The following PTPRU variants were observed in gnomAD, a reference collection of about 807,000 sequenced individuals.
PTPRU encodes receptor-type tyrosine-protein phosphatase U.
In PTPRU, 69 loss-of-function variants were observed where a neutral mutation model predicts 166.3. The ratio of observed to expected loss-of-function variants is 0.41; its 90% CI spans 0.34 to 0.51. PTPRU has a LOEUF of 0.51. PTPRU is among the 20% of genes least tolerant of loss of function. The pLI, the probability that PTPRU is intolerant of heterozygous loss-of-function variation, is 0.09. For missense variants in PTPRU, 1,657 were observed against 2,013.7 expected (o/e 0.82, Z 3.39); for synonymous variants, 793 against 814.0 (o/e 0.97, Z 0.44).
intron 25 of PTPRU, among the ~76,000 whole-genome samples, chr1:29,319,233 AAACTT>A (rs1357424644): frequency 1.3e-5 from 2 of 152,144 alleles, no homozygotes; most frequent in African/African-American, 2.4e-5. Context: ...TCTTTGAACT[AAACTT>A]AGGAAGCTGT....
Position 29,307,009 on chromosome 1 carries a change from C to T in PTPRU, c.2820+1581C>T, listed in dbSNP as rs753742049. 30 of 1,163,480 alleles carry T rather than the reference C, an allele frequency of 2.6e-5. No individual in the cohort carries two copies. In the Middle Eastern group the frequency reaches 5.8e-4, roughly 23 times the overall value. 72.1% of individuals were successfully genotyped at this position (1,163,480 alleles called of 1,614,324 possible). On this transcript the variant is annotated intron_variant, in intron 18 of 29. Coordinates refer to ENST00000373779, the MANE Select transcript of PTPRU (RefSeq NM_133178.4). ...CCAGCCCGGCCTGCCCGTCTCCGCT[C>T]TGCCTGCCCTGCTCACATCGCCCAT...
At position 29,266,010 on chromosome 1, in the gene PTPRU, G is replaced by GTTTT. The variant is rs34163524; in HGVS notation, c.1144+5131_1144+5134dup. Among the ~76,000 whole-genome samples, 30 of 79,232 alleles carry GTTTT rather than the reference G, an allele frequency of 3.8e-4. 3 individuals are homozygous for GTTTT. Among genetic ancestry groups the GTTTT allele is most frequent in the Middle Eastern group, 0.013 (1 of 78 alleles). 52.0% of individuals were successfully genotyped at this position (79,232 alleles called of 152,430 possible). A position where few individuals can be genotyped will look rare whatever the true frequency, so the allele number is the denominator to read the frequency against. On this transcript the variant is annotated intron_variant, in intron 7 of 29. Transcript: ENST00000373779. ...CTGTCTCCCAAAGATTTTCTCCTGG[G>GTTTT]TTTTTTTTTTTTTTTTTTTTTTTTT...
intron 7 of PTPRU, among the ~76,000 whole-genome samples, chr1:29,265,316 T>A (rs1162901109): frequency 6.6e-6 from 1 of 152,130 alleles, no homozygotes; most frequent in East Asian, 1.9e-4. Flanking sequence ...CTCATCATGG[T>A]CTTAATTTGC....
At chr1:29,307,244 C>T in intron 18 of PTPRU, 2 of 1,440,812 alleles carry the variant, frequency 1.4e-6, no homozygotes, top group Admixed American at 1.8e-5. Flanking sequence ...CTGTCTGTCT[C>T]TCTGTCTCTG....
intron 7 of PTPRU, among the ~76,000 whole-genome samples, chr1:29,274,031 G>C: frequency 6.6e-6 from 1 of 152,052 alleles, no homozygotes; most frequent in East Asian, 1.9e-4. Flanking sequence ...ATGAGATAAA[G>C]CATTTTTTGT....
intron 14 of PTPRU, among the ~76,000 whole-genome samples, chr1:29,286,858 C>T (rs1686373562): frequency 6.6e-6 from 1 of 152,164 alleles, no homozygotes; most frequent in African/African-American, 2.4e-5. Context: ...CCAGGAACCC[C>T]TCATCCCCCA....
chr1:29,296,468 A>C (rs1339857847), intron 15 of PTPRU, among the ~76,000 whole-genome samples: 2 of 150,422 alleles, frequency 1.3e-5, no homozygotes, highest in East Asian at 3.9e-4. Context: ...GATAAATTCA[A>C]CTTGGTCATG....
rs2151936172 is a variant in PTPRU at position 29,237,909 on chromosome 1, C to T, written c.73+1192C>T. On this transcript the variant is annotated intron_variant, in intron 1 of 29. Coordinates refer to ENST00000373779, the MANE Select transcript of PTPRU (RefSeq NM_133178.4). The surrounding 1 kb of genome is among the most constrained non-coding windows in gnomAD (Gnocchi z 6.4). ...GGGCTGTCCCCGGGCTGGGCTGCGA[C>T]GTCCGGGCGCGGGCAGGGCCTGGCT... Among the ~76,000 whole-genome samples the T allele has an allele frequency of 6.7e-6, 1 of 148,552 alleles. No homozygotes were observed. Among genetic ancestry groups the T allele is most frequent in the East Asian group, 2.0e-4 (1 of 5,048 alleles).
At chr1:29,248,839 AC>A (rs926299687) in intron 1 of PTPRU, among the ~76,000 whole-genome samples, 4 of 152,114 alleles carry the variant, frequency 2.6e-5, no homozygotes, top group Non-Finnish European at 5.9e-5. Context: ...ACGTCTATAC[AC>A]CCACGGCTTC....
intron 14 of PTPRU, among the ~76,000 whole-genome samples, chr1:29,290,468 T>C (rs1316014840): frequency 4.6e-5 from 7 of 152,172 alleles, no homozygotes; most frequent in Admixed American, 4.6e-4. Context: ...TACTCTGTCT[T>C]CTCTCTCTGT....
intron 1 of PTPRU, among the ~76,000 whole-genome samples, chr1:29,248,827 G>T (rs758206509): frequency 6.6e-6 from 1 of 152,082 alleles, no homozygotes; most frequent in Non-Finnish European, 1.5e-5. Flanking sequence ...GCTTGTAAAT[G>T]CACGTCTATA....
At chr1:29,243,890 GGTT>G (rs1298482836) in intron 1 of PTPRU, among the ~76,000 whole-genome samples, 79 of 152,294 alleles carry the variant, frequency 5.2e-4, no homozygotes, top group African/African-American at 1.8e-3. Context: ...TCTGGCTCTG[GGTT>G]GGGGGCTGCC....
In PTPRU at chr1:29,279,907, T is replaced by C; in HGVS notation, c.1766-132T>C. 1.9e-6 allele frequency: 2 copies of C among 1,041,446 alleles called. No homozygotes were observed. The highest frequency in any genetic ancestry group is 2.8e-6 in the Non-Finnish European group (2 of 710,748). The allele number at this position is 1,041,446 out of a possible 1,614,324, so 64.5% of individuals were successfully genotyped here. Reference sequence around the variant, plus strand: ...AGGTCAGGGGCCAGGGTAGCTCAGGTCATGTCAGCAGGAACAAAGAGGCTA... The same window carrying C: ...AGGTCAGGGGCCAGGGTAGCTCAGGCCATGTCAGCAGGAACAAAGAGGCTA... On this transcript the variant is annotated intron_variant, in intron 10 of 29. Transcript: ENST00000373779. The surrounding 1 kb of genome is among the most constrained non-coding windows in gnomAD (Gnocchi z 5.2).
chr1:29,291,821 G>T lies in PTPRU; in HGVS notation c.2319-48G>T. On this transcript the variant is annotated intron_variant, in intron 14 of 29. Transcript: ENST00000373779. The surrounding 1 kb of genome is among the most constrained non-coding windows in gnomAD (Gnocchi z 4.1). ...GCCTCCCCAGCCACCTCTGGGTGCTGTCCAGCCCCACACAATGCCTGTGTC... is the reference window on the plus strand; with the variant it reads ...GCCTCCCCAGCCACCTCTGGGTGCTTTCCAGCCCCACACAATGCCTGTGTC... The T allele has an allele frequency of 6.2e-7, 1 of 1,600,654 alleles. No homozygotes were observed. Among genetic ancestry groups the T allele is most frequent in the East Asian group, 2.2e-5 (1 of 44,592 alleles).
Position 29,316,105 on chromosome 1 carries a change from G to T in PTPRU, c.3467G>T (p.Arg1156Leu). The change falls in exon 24 of 30, where the codon CGC (arginine) becomes CTC (leucine). Residue 1156 changes from arginine to leucine, a missense_variant. Transcript: ENST00000373779. ...EFKATYKEMIRIDPQSNSSQL... is the reference protein window; with the variant it reads ...EFKATYKEMILIDPQSNSSQL... Reference sequence around the variant, plus strand: ...AAGGCCACCTACAAGGAGATGATCCGCATTGATCCTCAGAGTAATTCCTCC... The same window carrying T: ...AAGGCCACCTACAAGGAGATGATCCTCATTGATCCTCAGAGTAATTCCTCC... The T allele has an allele frequency of 6.2e-7, 1 of 1,614,180 alleles. No homozygotes were observed. The highest frequency in any genetic ancestry group is 8.5e-7 in the Non-Finnish European group (1 of 1,180,024).
Position 29,280,046 on chromosome 1 carries a change from C to T in PTPRU, c.1773C>T (p.Ser591=), listed in dbSNP as rs756411267. The change falls in exon 11 of 30, where the codon AGC becomes AGT. Residue 591 remains serine (S), a synonymous_variant. Transcript: ENST00000373779. This position sits in a 1 kb window ranked among gnomAD's most constrained non-coding sequence, Gnocchi z 4.2. ...TEITTNISAP[S]FDYADMPSPL... ...CCCTGTCCCCTTCTCCAGCTCCCAG[C>T]TTTGATTATGCCGACATGCCGTCAC... 6.8e-6 allele frequency: 11 copies of T among 1,613,324 alleles called. No individual in the cohort carries two copies. The highest frequency in any genetic ancestry group is 9.3e-6 in the Non-Finnish European group (11 of 1,179,586).
At chr1:29,324,009 A>G (rs1197906836) in intron 28 of PTPRU, among the ~76,000 whole-genome samples, 2 of 152,238 alleles carry the variant, frequency 1.3e-5, no homozygotes, top group Non-Finnish European at 2.9e-5. Flanking sequence ...ACAACTGCCC[A>G]GTATCCTCTG....
At position 29,275,504 on chromosome 1, in the gene PTPRU, A is replaced by G; in HGVS notation, c.1201A>G (p.Thr401Ala). The G allele has an allele frequency of 6.2e-7, 1 of 1,614,056 alleles. No homozygotes were observed. The highest frequency in any genetic ancestry group is 1.3e-5 in the African/African-American group (1 of 75,018). Residue 401 changes from threonine to alanine, a missense_variant, in exon 8 of 30, where the codon ACC becomes GCC. By Grantham distance (58) the Thr-to-Ala change is moderately conservative. This residue lies in a region of PTPRU where 1,190 missense variants were observed against 1,477.4 expected (regional missense o/e 0.81). Transcript: ENST00000373779. ...TGCTGAGATCCAGGCCCGTCAGCTG[A>G]CCCTGCAGTGGGAACCACTGGGCTA... The part of the protein sequence containing the change: ...AFAEIQARQL[T>A]LQWEPLGYNV...
intron 18 of PTPRU, among the ~76,000 whole-genome samples, chr1:29,307,875 C>T (rs764350119): frequency 6.5e-4 from 98 of 150,276 alleles, no homozygotes; most frequent in Middle Eastern, 7.2e-3. Flanking sequence ...ATTCTCCTGC[C>T]TCAGCCTCCC....
Sources: gnomAD v4.1 joint callset for allele counts (sites outside exome capture counted in the v4.1 genomes callset) on GRCh38, gnomAD v4.1.1 for gene constraint, gnomAD v4.1.1 regional missense constraint, Gnocchi (gnomAD v3.1) non-coding constraint, MANE v1.5 for transcripts, NCBI Gene and HGNC (gene_info 2026-07-23, HGNC 2026-07-21) for gene names.